SPATA21: variants seen among roughly 807,000 people sequenced by gnomAD.
SPATA21 encodes the protein spermatogenesis-associated protein 21.
A neutral mutation model predicts 54.8 loss-of-function variants in SPATA21; 47 were observed. The observed-to-expected ratio is 0.86, with a 90% confidence interval of 0.68 to 1.09. The LOEUF (loss-of-function observed/expected upper bound fraction) is 1.09. Among genes scored for constraint, SPATA21 ranks in the 50% least tolerant of loss-of-function variants. The pLI, the probability that SPATA21 is intolerant of heterozygous loss-of-function variation, is 0.00. For synonymous variants in SPATA21, 245 were observed against 235.3 expected, an observed-to-expected ratio of 1.04 and a Z score of -0.38; for missense variants, 599 against 596.4, an observed-to-expected ratio of 1.00 and a Z score of -0.05.
chr1:16,400,075 GGA>G (rs2085397305), intron 11 of SPATA21, among the ~76,000 whole-genome samples: 1 of 151,740 alleles, frequency 6.6e-6, no homozygotes, highest in Non-Finnish European at 1.5e-5. Context: ...CCCCCAGGCT[GGA>G]GTGCAATGGC....
intron 5 of SPATA21, chr1:16,410,846 G>A (rs910012716): frequency 5.5e-5 from 22 of 399,836 alleles, no homozygotes; most frequent in Admixed American, 4.0e-4. Flanking sequence ...GCGCCCGGCT[G>A]AGCCATGGTC....
At chr1:16,426,873 C>T (rs1263741119) in intron 3 of SPATA21, among the ~76,000 whole-genome samples, 2 of 151,978 alleles carry the variant, frequency 1.3e-5, no homozygotes, top group Admixed American at 6.6e-5. Context: ...AGCCACTGTG[C>T]CCGGCCTAAT....
rs201338463 is a variant in SPATA21, at chr1:16,421,888, G to A, written c.95+23C>T. On this transcript the variant is annotated intron_variant, in intron 4 of 12. Transcript: ENST00000335496. This position sits in a 1 kb window ranked among gnomAD's most constrained non-coding sequence, Gnocchi z 5.2. ...AAGAGCATCCTTGTTGGGGGCAGGGGATGGCACTGGATGATGACTTACCCT... is the reference window on the plus strand; with the variant it reads ...AAGAGCATCCTTGTTGGGGGCAGGGAATGGCACTGGATGATGACTTACCCT... The A allele has an allele frequency of 1.2e-6, 2 of 1,614,210 alleles. No homozygotes were observed. Among genetic ancestry groups the A allele is most frequent in the South Asian group, 2.2e-5 (2 of 91,084 alleles).
intron 11 of SPATA21, among the ~76,000 whole-genome samples, chr1:16,399,955 C>T (rs1183655457): frequency 6.6e-6 from 1 of 151,954 alleles, no homozygotes; most frequent in African/African-American, 2.4e-5. Context: ...GGGGTCAGAC[C>T]TGGATATAAA....
At chr1:16,422,022 T>A in intron 3 of SPATA21, 51 bp from the exon 4 acceptor site, 3 of 1,613,910 alleles carry the variant, frequency 1.9e-6, no homozygotes, top group Non-Finnish European at 2.5e-6. Context: ...GCTGTCCCCA[T>A]GTCCCCCTGG....
chr1:16,404,032 A>C lies in SPATA21; in HGVS notation c.819T>G (p.Gly273=). ...ALMSADVNGD[G]RVDFKDFLAV... is the part of the protein sequence containing the mutation. ...CCAAGAAGTCTTTGAAGTCCACACG[A>C]CCATCTCCTGTGGAGGCCAGAGGAG... Residue 273 remains glycine, a synonymous_variant, in exon 9 of 13, where the codon GGT becomes GGG. Coordinates refer to ENST00000335496, the MANE Select transcript of SPATA21 (RefSeq NM_198546.1). The C allele has an allele frequency of 6.4e-7, 1 of 1,554,506 alleles. No individual in the cohort carries two copies. The highest frequency in any genetic ancestry group is 8.7e-7 in the Non-Finnish European group (1 of 1,148,458).
intron 1 of SPATA21, 62 bp downstream of exon 1, chr1:16,437,066 A>G (rs1448089672): frequency 2.6e-5 from 4 of 152,172 alleles, no homozygotes; most frequent in Non-Finnish European, 5.9e-5. Context: ...TATCATATAT[A>G]TGTCTGGAGG....
Position 16,403,994 on chromosome 1 carries a change from T to C in SPATA21, c.857A>G (p.Asp286Gly). The C allele has an allele frequency of 3.2e-6, 5 of 1,568,016 alleles. No individual in the cohort carries two copies. Among genetic ancestry groups the C allele is most frequent in the Non-Finnish European group, 4.3e-6 (5 of 1,156,002 alleles). The change falls in exon 9 of 13, where the codon GAC (aspartate) becomes GGC (glycine). Residue 286 changes from aspartate (D) to glycine (G), a missense_variant. Asp to Gly is a moderately conservative substitution (Grantham distance 94, BLOSUM62 -1). Transcript: ENST00000335496. ...DFKDFLAVMT[D>G]TRRFFCSVEQ... The stretch of plus-strand genomic sequence containing the variant: ...CACAGAGCAGAAGAAGCGCCTGGTG[T>C]CTGTCATCACAGCCAAGAAGTCTTT...
At position 16,410,433 on chromosome 1, in the gene SPATA21, C is replaced by T. The variant is rs1033076523; in HGVS notation, c.145-390G>A. On this transcript the variant is annotated intron_variant, in intron 5 of 12. Coordinates refer to ENST00000335496, the MANE Select transcript of SPATA21 (RefSeq NM_198546.1). Reference sequence around the variant, plus strand: ...GCTAATCTTTTTTTTTTTTTTGAGACGAAGCCTTGCTCTGTTGCCCAGGCT... The same window carrying T: ...GCTAATCTTTTTTTTTTTTTTGAGATGAAGCCTTGCTCTGTTGCCCAGGCT... 3.5e-4 allele frequency among the ~76,000 whole-genome samples: 52 copies of T among 149,672 alleles called. 1 individual carries two copies. Among genetic ancestry groups the T allele is most frequent in the South Asian group, 2.1e-4 (1 of 4,724 alleles).
At chr1:16,424,253 C>A (rs1319412153) in intron 3 of SPATA21, among the ~76,000 whole-genome samples, 3 of 120,950 alleles carry the variant, frequency 2.5e-5, no homozygotes, top group Admixed American at 8.9e-5. Context: ...GCAGAGCTTG[C>A]AGTGAGCCGA....
chr1:16,409,244 G>A lies in SPATA21; in HGVS notation c.588-41C>T, dbSNP rs367714722. The A allele has an allele frequency of 3.1e-5, 50 of 1,608,632 alleles. No individual in the cohort carries two copies. Among genetic ancestry groups the A allele is most frequent in the South Asian group, 5.5e-5 (5 of 90,868 alleles). On this transcript the variant is annotated intron_variant, in intron 6 of 12. Transcript: ENST00000335496. This position sits in a 1 kb window ranked among gnomAD's most constrained non-coding sequence, Gnocchi z 4.1. Reference sequence around the variant, plus strand: ...CCCCGACCCAGGGCAACATCCGGCCGCCCACCCTGCTGATAGCTAGGGGAG... The same window carrying A: ...CCCCGACCCAGGGCAACATCCGGCCACCCACCCTGCTGATAGCTAGGGGAG...
At position 16,403,968 on chromosome 1, in the gene SPATA21, C is replaced by G. The variant is rs762416864; in HGVS notation, c.883G>C (p.Glu295Gln). 6.3e-7 allele frequency: 1 copy of G among 1,591,962 alleles called. No individual in the cohort carries two copies. The highest frequency in any genetic ancestry group is 8.6e-7 in the Non-Finnish European group (1 of 1,169,132). The change falls in exon 9 of 13, where the codon GAA becomes CAA. Residue 295 changes from glutamate (E) to glutamine (Q), a missense_variant and splice_region_variant. Physicochemically the swap from Glu to Gln is conservative, Grantham distance 29. Coordinates refer to ENST00000335496, the MANE Select transcript of SPATA21 (RefSeq NM_198546.1). ...CTACGCTGGGCTCATCCCTGCTCAC[C>G]CACAGAGCAGAAGAAGCGCCTGGTG... ...TDTRRFFCSV[E>Q]QNALSDMAPH...
At chr1:16,403,632 T>A (rs2085528186) in intron 10 of SPATA21, 95 bp downstream of exon 10, 2 of 1,115,196 alleles carry the variant, frequency 1.8e-6, no homozygotes, top group African/African-American at 3.1e-5. Context: ...CACTTGTGAC[T>A]AAAAGTCGTA....
At chr1:16,430,647 T>C (rs1429671564) in intron 3 of SPATA21, among the ~76,000 whole-genome samples, 1 of 152,148 alleles carries the variant, frequency 6.6e-6, no homozygotes, top group Non-Finnish European at 1.5e-5. Context: ...CTGGGTTTGC[T>C]CACCCTGCAG....
At position 16,428,182 on chromosome 1, in the gene SPATA21, G is replaced by C. The variant is rs2086369344; in HGVS notation, c.34+3156C>G. Reference sequence around the variant, plus strand: ...AGGGGTGAGCAGGAGCTGAGAGGCAGGGATGCAGGGCCCGGCCCTGCTGTT... The same window carrying C: ...AGGGGTGAGCAGGAGCTGAGAGGCACGGATGCAGGGCCCGGCCCTGCTGTT... On this transcript the variant is annotated intron_variant, in intron 3 of 12. Coordinates refer to ENST00000335496, the MANE Select transcript of SPATA21 (RefSeq NM_198546.1). This position sits in a 1 kb window ranked among gnomAD's most constrained non-coding sequence, Gnocchi z 4.3. 6.6e-6 allele frequency among the ~76,000 whole-genome samples: 1 copy of C among 152,158 alleles called. No individual in the cohort carries two copies. The highest frequency in any genetic ancestry group is 1.5e-5 in the Non-Finnish European group (1 of 68,034).
chr1:16,433,863 A>G (rs2086520319), intron 1 of SPATA21, among the ~76,000 whole-genome samples: 1 of 152,158 alleles, frequency 6.6e-6, no homozygotes, highest in Non-Finnish European at 1.5e-5. Context: ...AATTTAACTC[A>G]CATACCATAC....
At chr1:16,406,991 C>T (rs190248449) in intron 7 of SPATA21, among the ~76,000 whole-genome samples, 6 of 152,326 alleles carry the variant, frequency 3.9e-5, no homozygotes, top group East Asian at 1.9e-4. Context: ...CTGACTGGGA[C>T]GGTGGGCATG....
chr1:16,431,440 T>C lies in SPATA21; in HGVS notation c.-51-18A>G. ...GTGTGCTCCTACAGGAGAAATCCAA[T>C]CAAGCGTCCCACCAAGCCCATCACC... On this transcript the variant is annotated intron_variant, in intron 2 of 12. Transcript: ENST00000335496. 5 of 1,599,588 alleles carry C rather than the reference T, an allele frequency of 3.1e-6. No individual in the cohort carries two copies. The highest frequency in any genetic ancestry group is 3.4e-6 in the Non-Finnish European group (4 of 1,172,194).
At chr1:16,432,094 C>G (rs1041208589) in intron 2 of SPATA21, among the ~76,000 whole-genome samples, 13 of 148,372 alleles carry the variant, frequency 8.8e-5, no homozygotes, top group African/African-American at 2.7e-4. Context: ...TTTTCTTTTT[C>G]TTTTCTTCTT....
Sources: gnomAD v4.1 joint callset for allele counts (sites outside exome capture counted in the v4.1 genomes callset) on GRCh38, gnomAD v4.1.1 for gene constraint, Gnocchi (gnomAD v3.1) non-coding constraint, MANE v1.5 for transcripts, NCBI Gene and HGNC (gene_info 2026-07-23, HGNC 2026-07-21) for gene names.